WWOX: variants seen among roughly 807,000 people sequenced by gnomAD.
The protein encoded by WWOX is WW domain containing oxidoreductase, also known as WW domain-containing oxidoreductase.
In WWOX, 69 loss-of-function variants were observed where a neutral mutation model predicts 46.2. The ratio of observed to expected loss-of-function variants is 1.49; its 90% CI spans 1.23 to 1.82. WWOX has a LOEUF of 1.82. WWOX is among the 40% of genes most tolerant of loss of function. WWOX has a pLI of 0.00. For missense variants in WWOX, 919 were observed against 542.6 expected (o/e 1.69, Z -6.89); for synonymous variants, 359 against 202.6 (o/e 1.77, Z -6.56).
chr16:78,744,382 T>C (rs191099716), intron 8 of WWOX, among the ~76,000 whole-genome samples: 2 of 151,702 alleles, frequency 1.3e-5, no homozygotes, highest in South Asian at 2.1e-4. Context: ...CAGAAGACGC[T>C]TGAAGGGGCC....
At chr16:78,848,865 C>G (rs12447303) in intron 8 of WWOX, among the ~76,000 whole-genome samples, 97,360 of 151,680 alleles carry the variant, frequency 0.64, 34,185 homozygotes, top group Middle Eastern at 0.82. Flanking sequence ...TCCTTAATGA[C>G]CCGAAAAATC....
At chr16:78,295,839 C>T (rs72790089) in intron 5 of WWOX, among the ~76,000 whole-genome samples, 8,622 of 152,320 alleles carry the variant, frequency 0.057, 462 homozygotes, top group Admixed American at 0.16. Flanking sequence ...TTTTTATTTT[C>T]GAACTTCTGG....
chr16:78,126,077 T>C (rs1316295875), intron 4 of WWOX, among the ~76,000 whole-genome samples: 1 of 152,238 alleles, frequency 6.6e-6, no homozygotes, highest in Non-Finnish European at 1.5e-5. Context: ...TGTGATTATC[T>C]TTCTGTGTTG....
chr16:78,816,354 T>C (rs370835059), intron 8 of WWOX, among the ~76,000 whole-genome samples: 2 of 152,142 alleles, frequency 1.3e-5, no homozygotes, highest in African/African-American at 2.4e-5. Flanking sequence ...TGTAACCTCA[T>C]TGATAGTCTT....
At chr16:78,231,995 T>C (rs2037283613) in intron 5 of WWOX, among the ~76,000 whole-genome samples, 1 of 152,212 alleles carries the variant, frequency 6.6e-6, no homozygotes, top group African/African-American at 2.4e-5. Context: ...TTTACTAAGT[T>C]CCAAGGATGT....
At position 79,009,656 on chromosome 16, in the gene WWOX, G is replaced by A. The variant is rs190416964; in HGVS notation, c.1057-201952G>A. Reference sequence around the variant, plus strand: ...GGTAAAGACAAGGTTTCCCCATGTTGGCCAGCCTTGTCTTGAACTCCTGAC... The same window carrying A: ...GGTAAAGACAAGGTTTCCCCATGTTAGCCAGCCTTGTCTTGAACTCCTGAC... On this transcript the variant is annotated intron_variant, in intron 8 of 8. Transcript: ENST00000566780. Among the ~76,000 whole-genome samples, 181 of 152,248 alleles carry A rather than the reference G, an allele frequency of 1.2e-3. 1 individual carries two copies. Among genetic ancestry groups the A allele is most frequent in the African/African-American group, 4.3e-3 (177 of 41,542 alleles).
Position 78,547,149 on chromosome 16 carries a change from A to AC in WWOX, c.1056+114397_1056+114398insC, listed in dbSNP as rs1567635739. Among the ~76,000 whole-genome samples the AC allele has an allele frequency of 3.9e-3, 411 of 105,098 alleles. 4 individuals are homozygous for AC. The highest frequency in any genetic ancestry group is 0.011 in the African/African-American group (393 of 35,826). 68.9% of individuals were successfully genotyped at this position (105,098 alleles called of 152,430 possible). On this transcript the variant is annotated intron_variant, in intron 8 of 8. Coordinates refer to ENST00000566780, the MANE Select transcript of WWOX (RefSeq NM_016373.4). ...TCAGAAAAAAAAAAAAAAAAAAAAAAAAAAAAAAAACAACTACCAGGCCTG... is the reference window on the plus strand; with the variant it reads ...TCAGAAAAAAAAAAAAAAAAAAAAAACAAAAAAAAAACAACTACCAGGCCTG...
intron 6 of WWOX, among the ~76,000 whole-genome samples, chr16:78,390,989 A>G (rs1415547220): frequency 3.9e-5 from 6 of 152,186 alleles, no homozygotes; most frequent in Non-Finnish European, 8.8e-5. Context: ...CCCTTGGTCC[A>G]TGCTCCATCT....
Position 78,345,787 on chromosome 16 carries a change from G to T in WWOX, c.517-41073G>T, listed in dbSNP as rs962524331. 7.6e-5 allele frequency among the ~76,000 whole-genome samples: 9 copies of T among 118,440 alleles called. 4 individuals carry two copies. Among genetic ancestry groups the T allele is most frequent in the Non-Finnish European group, 1.8e-4 (9 of 49,968 alleles). 77.7% of individuals were successfully genotyped at this position (118,440 alleles called of 152,430 possible). On this transcript the variant is annotated intron_variant, in intron 5 of 8. Coordinates refer to ENST00000566780, the MANE Select transcript of WWOX (RefSeq NM_016373.4). ...AGTGGGCCATTTGAATGCTCACTTT[G>T]ATATTTTTTAAAGGAAAAATTTGAG...
At chr16:78,583,590 C>T (rs989275020) in intron 8 of WWOX, among the ~76,000 whole-genome samples, 10 of 152,120 alleles carry the variant, frequency 6.6e-5, no homozygotes, top group Non-Finnish European at 1.5e-5. Flanking sequence ...GTCAGGGTCC[C>T]CCATTCATCT....
At chr16:78,402,750 A>T (rs75476629) in intron 6 of WWOX, among the ~76,000 whole-genome samples, 6,519 of 152,276 alleles carry the variant, frequency 0.043, 472 homozygotes, top group African/African-American at 0.15. Context: ...GTTGGGTTCA[A>T]TTATTTTGTT....
intron 5 of WWOX, among the ~76,000 whole-genome samples, chr16:78,275,185 C>A (rs1470174129): frequency 6.6e-6 from 1 of 152,136 alleles, no homozygotes; most frequent in Non-Finnish European, 1.5e-5. Flanking sequence ...GTGAATTCAG[C>A]CTGCAGGCAT....
intron 6 of WWOX, among the ~76,000 whole-genome samples, chr16:78,403,304 ACT>A (rs2082455894): frequency 1.3e-5 from 2 of 152,124 alleles, no homozygotes; most frequent in Admixed American, 1.3e-4. Context: ...ATTTAAATAA[ACT>A]CTCTTTGCAT....
intron 8 of WWOX, among the ~76,000 whole-genome samples, chr16:78,817,920 G>A (rs1029219309): frequency 2.6e-5 from 4 of 152,168 alleles, no homozygotes; most frequent in African/African-American, 9.7e-5. Context: ...CCAGGAAGGA[G>A]ACTCTGAGTG....
chr16:78,104,783 A>T (rs1005660274), intron 1 of WWOX, among the ~76,000 whole-genome samples: 1 of 152,218 alleles, frequency 6.6e-6, no homozygotes, highest in Admixed American at 6.5e-5. Context: ...TATTTATTAA[A>T]AAAAAGTCTT....
chr16:78,718,173 C>T (rs370695598), intron 8 of WWOX, among the ~76,000 whole-genome samples: 1 of 149,340 alleles, frequency 6.7e-6, no homozygotes, highest in South Asian at 2.1e-4. Flanking sequence ...TATGGCTGCC[C>T]AAGTTATTAT....
intron 8 of WWOX, among the ~76,000 whole-genome samples, chr16:78,929,806 A>T (rs1368933856): frequency 6.6e-6 from 1 of 152,194 alleles, no homozygotes; most frequent in Non-Finnish European, 1.5e-5. Context: ...AATGCCATAA[A>T]TCCAAGAAAG....
At chr16:78,395,752 TTTTTTCTTTTTC>T (rs143959184) in intron 6 of WWOX, among the ~76,000 whole-genome samples, 56 of 151,238 alleles carry the variant, frequency 3.7e-4, no homozygotes, top group African/African-American at 6.6e-4. Context: ...TTTTGTTTTG[TTTTTTCTTTTTC>T]TTTTTCTTTT....
chr16:79,174,666 G>A (rs2050765712), intron 8 of WWOX, among the ~76,000 whole-genome samples: 3 of 152,104 alleles, frequency 2.0e-5, no homozygotes. Flanking sequence ...AAAATTAAGA[G>A]GGACTGATGT....
Sources: allele counts gnomAD v4.1 joint callset (sites outside exome capture counted in the v4.1 genomes callset), GRCh38; gene constraint gnomAD v4.1.1; transcripts MANE v1.5; gene names NCBI Gene and HGNC (gene_info 2026-07-23, HGNC 2026-07-21).